The following WWC1 variants were observed in gnomAD, a reference collection of about 807,000 sequenced individuals.
WWC1 encodes WW and C2 domain containing 1.
In WWC1, 55 loss-of-function variants were observed where a neutral mutation model predicts 138.4. The ratio of observed to expected loss-of-function variants is 0.40; its 90% CI spans 0.32 to 0.50. The LOEUF is 0.50. WWC1 is among the 20% of genes least tolerant of loss of function. WWC1 has a pLI of 0.72. For missense variants in WWC1, 1,226 were observed against 1,420.4 expected (o/e 0.86, Z 2.20); for synonymous variants, 524 against 564.9 (o/e 0.93, Z 1.03).
chr5:168,394,325 A>G (rs570640398), intron 3 of WWC1, among the ~76,000 whole-genome samples: 2 of 152,356 alleles, frequency 1.3e-5, no homozygotes, highest in African/African-American at 4.8e-5. Flanking sequence ...ACCTCAAACT[A>G]TGTTGGACTG....
At chr5:168,360,086 CTGTGGGATTT>C (rs1306114937) in intron 1 of WWC1, among the ~76,000 whole-genome samples, 1 of 152,184 alleles carries the variant, frequency 6.6e-6, no homozygotes, top group Non-Finnish European at 1.5e-5. Context: ...AATGTCTTGT[CTGTGGGATTT>C]TTATCCCAAG....
chr5:168,466,176 T>A (rs1427827173), intron 21 of WWC1, among the ~76,000 whole-genome samples: 1 of 152,122 alleles, frequency 6.6e-6, no homozygotes, highest in Non-Finnish European at 1.5e-5. Flanking sequence ...AGCTGCTTAT[T>A]TGAGCTATAT....
chr5:168,347,257 C>T (rs1483294114), intron 1 of WWC1, among the ~76,000 whole-genome samples: 2 of 152,188 alleles, frequency 1.3e-5, no homozygotes, highest in Non-Finnish European at 2.9e-5. Context: ...CCTGAGTTCT[C>T]GAGTTAACCG....
intron 15 of WWC1, among the ~76,000 whole-genome samples, chr5:168,436,355 GT>G (rs1782351021): frequency 6.6e-6 from 1 of 152,016 alleles, no homozygotes; most frequent in Admixed American, 6.6e-5. Flanking sequence ...TAGCATGTTG[GT>G]CTCCTTTGCT....
Position 168,469,266 on chromosome 5 carries a change from G to C in WWC1, c.*249G>C, listed in dbSNP as rs1250283339. On this transcript the variant is annotated 3_prime_UTR_variant, in exon 23 of 23. Transcript: ENST00000265293. Reference sequence around the variant, plus strand: ...AGCATTAAAATAATAAGATTGTATAGTTTGTATATTTAGGAGTGTATTTTT... The same window carrying C: ...AGCATTAAAATAATAAGATTGTATACTTTGTATATTTAGGAGTGTATTTTT... 3.9e-6 allele frequency: 2 copies of C among 514,212 alleles called. No individual in the cohort carries two copies. The highest frequency in any genetic ancestry group is 4.5e-4 in the Middle Eastern group (1 of 2,236). 31.9% of individuals were successfully genotyped at this position (514,212 alleles called of 1,614,324 possible). A position where few individuals can be genotyped will look rare whatever the true frequency, so the allele number is the denominator to read the frequency against.
intron 1 of WWC1, among the ~76,000 whole-genome samples, chr5:168,320,518 T>C (rs987793915): frequency 2.6e-5 from 4 of 152,138 alleles, no homozygotes; most frequent in Non-Finnish European, 5.9e-5. Flanking sequence ...TTCCCGTCTG[T>C]GAAATGGGAT....
chr5:168,297,626 C>CAA (rs70976474), intron 1 of WWC1, among the ~76,000 whole-genome samples: 52 of 54,168 alleles, frequency 9.6e-4, no homozygotes, highest in Non-Finnish European at 1.3e-3. Context: ...AACTCCATCT[C>CAA]AAAAAAAAAA....
chr5:168,315,295 G>A (rs1426788426), intron 1 of WWC1, among the ~76,000 whole-genome samples: 1 of 151,734 alleles, frequency 6.6e-6, no homozygotes, highest in Admixed American at 6.6e-5. Context: ...GCCACCCTAA[G>A]CCTACTGAAT....
intron 13 of WWC1, among the ~76,000 whole-genome samples, chr5:168,429,045 G>A (rs1393440466): frequency 6.6e-6 from 1 of 152,262 alleles, no homozygotes; most frequent in African/African-American, 2.4e-5. Flanking sequence ...CCAACTCACT[G>A]AGCTGGCTGG....
chr5:168,428,834 T>C (rs1341645667), intron 13 of WWC1, 47 bp downstream of exon 13: 1 of 1,600,884 alleles, frequency 6.2e-7, no homozygotes, highest in Non-Finnish European at 8.6e-7. Flanking sequence ...CTGTGTGGGG[T>C]CCCTTCTTCA....
At chr5:168,324,439 A>T (rs548038690) in intron 1 of WWC1, among the ~76,000 whole-genome samples, 86 of 152,348 alleles carry the variant, frequency 5.6e-4, no homozygotes, top group African/African-American at 1.9e-3. Flanking sequence ...TCTCAAAAAA[A>T]AAATAAATAA....
Position 168,292,726 on chromosome 5 carries a change from C to T in WWC1, c.119+455C>T, listed in dbSNP as rs1286996743. 2.6e-5 allele frequency among the ~76,000 whole-genome samples: 4 copies of T among 152,084 alleles called. No homozygotes were observed. Among genetic ancestry groups the T allele is most frequent in the Non-Finnish European group, 5.9e-5 (4 of 68,012 alleles). On this transcript the variant is annotated intron_variant, in intron 1 of 22. Transcript: ENST00000265293. This position sits in a 1 kb window ranked among gnomAD's most constrained non-coding sequence, Gnocchi z 4.4. ...GTCCGGTTAGAGGGGGTGGTCAAGA[C>T]CCCAGGATTCCGTGGGAGACCACTG... is the stretch of plus-strand genomic sequence containing the variant.
Position 168,397,743 on chromosome 5 carries a change from C to T in WWC1, c.453C>T (p.Ser151=), listed in dbSNP as rs143569513. 1.2e-6 allele frequency: 2 copies of T among 1,613,824 alleles called. No homozygotes were observed. The highest frequency in any genetic ancestry group is 2.7e-5 in the African/African-American group (2 of 74,876). Residue 151 remains serine (S), a synonymous_variant, in exon 4 of 23, where the codon TCC becomes TCT. Coordinates refer to ENST00000265293, the MANE Select transcript of WWC1 (RefSeq NM_015238.3). ...SQVSLVSGSS[S]SSKYDPEILK... is the part of the protein sequence containing the mutation. ...TTACAGTGGTCTCTGGTTCATCATCCAGCTCCAAGTATGACCCTGAGATCC... is the reference window on the plus strand; with the variant it reads ...TTACAGTGGTCTCTGGTTCATCATCTAGCTCCAAGTATGACCCTGAGATCC...
In WWC1 at chr5:168,408,497, C is replaced by A. The variant is rs1383835477; in HGVS notation, c.721-10C>A. On this transcript the variant is annotated splice_polypyrimidine_tract_variant and intron_variant, in intron 6 of 22. Coordinates refer to ENST00000265293, the MANE Select transcript of WWC1 (RefSeq NM_015238.3). Reference sequence around the variant, plus strand: ...AGGCGCATCACTAACCCTGCTCTCCCCTCCTTCAGAGCCTTGCCATGTTGA... The same window carrying A: ...AGGCGCATCACTAACCCTGCTCTCCACTCCTTCAGAGCCTTGCCATGTTGA... 1 of 1,613,744 alleles carries A rather than the reference C, an allele frequency of 6.2e-7. No homozygotes were observed. The highest frequency in any genetic ancestry group is 1.1e-5 in the South Asian group (1 of 91,014).
At chr5:168,339,847 TTCTTTCTC>T (rs1273888477) in intron 1 of WWC1, among the ~76,000 whole-genome samples, 7 of 150,422 alleles carry the variant, frequency 4.7e-5, no homozygotes, top group African/African-American at 9.9e-5. Flanking sequence ...TTTTCTTTCT[TTCTTTCTC>T]TCTTTCTCTC....
At chr5:168,323,900 T>C (rs1008862488) in intron 1 of WWC1, among the ~76,000 whole-genome samples, 3 of 151,886 alleles carry the variant, frequency 2.0e-5, no homozygotes, top group African/African-American at 7.3e-5. Flanking sequence ...AGGAGAACAA[T>C]AGGAATTACA....
intron 1 of WWC1, among the ~76,000 whole-genome samples, chr5:168,332,716 CT>C (rs368584330): frequency 1.5e-4 from 22 of 147,312 alleles, no homozygotes; most frequent in East Asian, 4.0e-4. Flanking sequence ...TTTTCTTTTT[CT>C]TTTTTTTTTG....
chr5:168,297,518 C>A (rs909332844), intron 1 of WWC1, among the ~76,000 whole-genome samples: 1 of 150,350 alleles, frequency 6.7e-6, no homozygotes, highest in Non-Finnish European at 1.5e-5. Flanking sequence ...CCCGGCTACT[C>A]GGGAGGCTGA....
rs1189752999 is a variant in WWC1, at chr5:168,292,138, G to T, written c.-15G>T. 1 of 1,533,000 alleles carries T rather than the reference G, an allele frequency of 6.5e-7. No individual in the cohort carries two copies. The highest frequency in any genetic ancestry group is 2.0e-5 in the Admixed American group (1 of 49,416). The allele number at this position is 1,533,000 out of a possible 1,614,324, so 95.0% of individuals were successfully genotyped here. A position where few individuals can be genotyped will look rare whatever the true frequency, so the allele number is the denominator to read the frequency against. On this transcript the variant is annotated 5_prime_UTR_variant, in exon 1 of 23. Coordinates refer to ENST00000265293, the MANE Select transcript of WWC1 (RefSeq NM_015238.3). This position sits in a 1 kb window ranked among gnomAD's most constrained non-coding sequence, Gnocchi z 4.4. ...CCGGGAGCTGCATGGGGGAGCGCCGGCAGCGCTTGGGAAGATGCCCCGGCC... is the reference window on the plus strand; with the variant it reads ...CCGGGAGCTGCATGGGGGAGCGCCGTCAGCGCTTGGGAAGATGCCCCGGCC...
Sources: gnomAD v4.1 joint callset for allele counts (sites outside exome capture counted in the v4.1 genomes callset) on GRCh38, gnomAD v4.1.1 for gene constraint, Gnocchi (gnomAD v3.1) non-coding constraint, MANE v1.5 for transcripts, NCBI Gene and HGNC (gene_info 2026-07-23, HGNC 2026-07-21) for gene names.